The following TMEM117 variants were observed in gnomAD, a reference collection of about 807,000 sequenced individuals.
The protein encoded by TMEM117 is transmembrane protein 117.
TMEM117 carries 27 observed loss-of-function variants against 52.4 expected under a neutral mutation model. The ratio of observed to expected loss-of-function variants is 0.51; its 90% CI spans 0.38 to 0.71. The LOEUF is 0.71. TMEM117 is among the 30% of genes least tolerant of loss of function. The pLI is 0.00. For missense variants in TMEM117, 556 were observed against 630.5 expected (o/e 0.88, Z 1.26); for synonymous variants, 215 against 206.3 (o/e 1.04, Z -0.36).
At chr12:43,849,623 T>C (rs1943270797) in intron 2 of TMEM117, among the ~76,000 whole-genome samples, 1 of 151,974 alleles carries the variant, frequency 6.6e-6, no homozygotes, top group Non-Finnish European at 1.5e-5. Flanking sequence ...AAGTGAATTC[T>C]CTCTCTCTTT....
intron 3 of TMEM117, among the ~76,000 whole-genome samples, chr12:44,069,745 A>G (rs1234304359): frequency 1.3e-5 from 2 of 152,252 alleles, no homozygotes; most frequent in African/African-American, 2.4e-5. Flanking sequence ...ATTTGTCTGT[A>G]AGCAACAAAA....
At chr12:43,990,634 CT>C (rs1945922912) in intron 3 of TMEM117, among the ~76,000 whole-genome samples, 1 of 152,098 alleles carries the variant, frequency 6.6e-6, no homozygotes, top group Admixed American at 6.6e-5. Flanking sequence ...TGTGCTGGAT[CT>C]TTCATCCAAA....
intron 4 of TMEM117, among the ~76,000 whole-genome samples, chr12:44,191,410 C>A (rs1195692597): frequency 6.6e-6 from 1 of 151,942 alleles, no homozygotes; most frequent in Non-Finnish European, 1.5e-5. Flanking sequence ...AATCATTTAT[C>A]TATCTATAAA....
intron 3 of TMEM117, among the ~76,000 whole-genome samples, chr12:44,049,472 C>A (rs149800761): frequency 1.3e-5 from 2 of 151,490 alleles, no homozygotes; most frequent in Admixed American, 1.3e-4. Context: ...TACTGCAGAC[C>A]ACCATGGCAC....
At chr12:43,861,793 G>A (rs1675772) in intron 2 of TMEM117, among the ~76,000 whole-genome samples, 102,052 of 151,538 alleles carry the variant, frequency 0.67, 39,223 homozygotes, top group East Asian at 0.87. Flanking sequence ...ATACAGTGGT[G>A]AATAATAATA....
chr12:44,175,365 G>C lies in TMEM117; in HGVS notation c.510+31741G>C, dbSNP rs565665387. ...AGGATGACCCCAGGCTTATGAAACT[G>C]GGTTAGTGTCATTCACTGAGTGAGG... On this transcript the variant is annotated intron_variant, in intron 4 of 7. Transcript: ENST00000266534. Among the ~76,000 whole-genome samples the C allele has an allele frequency of 2.0e-5, 3 of 152,156 alleles. No individual in the cohort carries two copies. The South Asian group carries it at 6.2e-4, about 31-fold the overall frequency.
At chr12:44,314,017 T>C (rs1951023479) in intron 6 of TMEM117, among the ~76,000 whole-genome samples, 1 of 152,164 alleles carries the variant, frequency 6.6e-6, no homozygotes, top group Admixed American at 6.5e-5. Context: ...GGCTTTAGGG[T>C]TTTCTAGGCA....
At chr12:44,152,473 TATC>T (rs1948755448) in intron 4 of TMEM117, among the ~76,000 whole-genome samples, 1 of 114,428 alleles carries the variant, frequency 8.7e-6, no homozygotes, top group African/African-American at 3.6e-5. Context: ...TCTATAATTA[TATC>T]ATATATAAAT....
chr12:44,283,939 A>C (rs1441496583), intron 5 of TMEM117, among the ~76,000 whole-genome samples: 1 of 152,072 alleles, frequency 6.6e-6, no homozygotes, highest in African/African-American at 2.4e-5. Flanking sequence ...GATAGGGTGA[A>C]TATGTCTCAC....
intron 3 of TMEM117, among the ~76,000 whole-genome samples, chr12:44,027,132 A>ATTTTATTTTATTT (rs1168252252): frequency 1.9e-4 from 20 of 104,088 alleles, no homozygotes; most frequent in African/African-American, 8.7e-4. Flanking sequence ...ATTTTATTTT[A>ATTTTATTTTATTT]TATTTTATTT....
chr12:44,042,781 C>CACAA (rs1452536538), intron 3 of TMEM117, among the ~76,000 whole-genome samples: 4 of 150,862 alleles, frequency 2.7e-5, no homozygotes, highest in African/African-American at 9.8e-5. Context: ...CACACACACA[C>CACAA]ACACACACAC....
chr12:44,108,203 A>C (rs977910238), intron 3 of TMEM117, among the ~76,000 whole-genome samples: 26 of 151,872 alleles, frequency 1.7e-4, no homozygotes, highest in African/African-American at 5.1e-4. Flanking sequence ...TTATTTATTT[A>C]TTTATTTATT....
rs553290497 is a variant in TMEM117, at chr12:44,163,355, C to T, written c.510+19731C>T. On this transcript the variant is annotated intron_variant, in intron 4 of 7. Transcript: ENST00000266534. Reference sequence around the variant, plus strand: ...GGAGAACTTTAAAATGCTGTAAAACCTGTTTTATTTTATTTTATTTTTCCA... The same window carrying T: ...GGAGAACTTTAAAATGCTGTAAAACTTGTTTTATTTTATTTTATTTTTCCA... 1.5e-3 allele frequency among the ~76,000 whole-genome samples: 225 copies of T among 152,146 alleles called. 2 individuals are homozygous for T. Among genetic ancestry groups the T allele is most frequent in the African/African-American group, 5.1e-3 (212 of 41,506 alleles).
At chr12:43,879,881 C>T (rs969254744) in intron 2 of TMEM117, among the ~76,000 whole-genome samples, 1 of 152,040 alleles carries the variant, frequency 6.6e-6, no homozygotes. Flanking sequence ...CAAGAGGTTC[C>T]CTTCACTTGA....
the TMEM117 span, among the ~76,000 whole-genome samples, chr12:43,824,292 C>G: frequency 6.6e-6 from 1 of 152,194 alleles, no homozygotes; most frequent in East Asian, 1.9e-4. Flanking sequence ...AGGGACTTGC[C>G]AGGATTCATT....
At chr12:44,313,031 A>G (rs1798023) in intron 6 of TMEM117, among the ~76,000 whole-genome samples, 33,077 of 152,008 alleles carry the variant, frequency 0.22, 6,462 homozygotes, top group African/African-American at 0.53. Flanking sequence ...TGGATGCATA[A>G]TTTGCAGATA....
intron 5 of TMEM117, among the ~76,000 whole-genome samples, chr12:44,299,323 G>A (rs187392788): frequency 1.7e-4 from 26 of 152,094 alleles, no homozygotes; most frequent in Middle Eastern, 3.4e-3. Flanking sequence ...AGTAGAGACA[G>A]GGATTCACCG....
At chr12:43,801,875 T>C in the TMEM117 span, among the ~76,000 whole-genome samples, 1 of 152,008 alleles carries the variant, frequency 6.6e-6, no homozygotes, top group Admixed American at 6.6e-5. Flanking sequence ...ACTAAAAATA[T>C]AAAAATTAGC....
At chr12:44,327,526 C>A (rs961237833) in intron 6 of TMEM117, among the ~76,000 whole-genome samples, 2 of 152,130 alleles carry the variant, frequency 1.3e-5, no homozygotes, top group African/African-American at 2.4e-5. Flanking sequence ...TTATAATGTT[C>A]ATTAAAGTGC....
Sources: allele counts gnomAD v4.1 joint callset (sites outside exome capture counted in the v4.1 genomes callset), GRCh38; gene constraint gnomAD v4.1.1; transcripts MANE v1.5; gene names NCBI Gene and HGNC (gene_info 2026-07-23, HGNC 2026-07-21).